TRPM4: variants seen among roughly 807,000 people sequenced by gnomAD.
The protein encoded by TRPM4 is transient receptor potential cation channel subfamily M member 4, also known as calcium-activated non-selective cation channel 1.
Under a neutral mutation model 135.6 loss-of-function variants are expected in TRPM4, and 124 were observed. The ratio of observed to expected loss-of-function variants is 0.91; its 90% CI spans 0.79 to 1.06. The LOEUF (loss-of-function observed/expected upper bound fraction) is 1.06, where lower values mean the gene tolerates loss of function less well. Among genes scored for constraint, TRPM4 ranks in the 50% least tolerant of loss-of-function variants. The pLI, the probability that TRPM4 is intolerant of heterozygous loss-of-function variation, is 0.00. For synonymous variants in TRPM4, 745 were observed against 705.6 expected, an observed-to-expected ratio of 1.06 and a Z score of -0.88; for missense variants, 1,658 against 1,671.4, an observed-to-expected ratio of 0.99 and a Z score of 0.14.
chr19:49,164,721 TGC>T (rs1166314393), intron 2 of TRPM4, among the ~76,000 whole-genome samples: 6 of 150,150 alleles, frequency 4.0e-5, no homozygotes, highest in African/African-American at 1.5e-4. Context: ...CTTGCTTGCT[TGC>T]TTTTCTTTCC....
At chr19:49,164,682 T>TCTTGCTTGCTTGCTTG (rs113888558) in intron 2 of TRPM4, among the ~76,000 whole-genome samples, 12 of 144,658 alleles carry the variant, frequency 8.3e-5, no homozygotes, top group South Asian at 4.5e-4. Context: ...GCGCCCGGCC[T>TCTTGCTTGCTTGCTTG]CTTGCTTGCT....
At chr19:49,168,775 C>A in intron 6 of TRPM4, 39 bp downstream of exon 6, 2 of 1,555,636 alleles carry the variant, frequency 1.3e-6, no homozygotes, top group Non-Finnish European at 1.7e-6. Flanking sequence ...CCACGACCCA[C>A]AACCTGCAAC....
chr19:49,189,766 G>A (rs1968342542), intron 14 of TRPM4, among the ~76,000 whole-genome samples: 1 of 152,158 alleles, frequency 6.6e-6, no homozygotes, highest in Non-Finnish European at 1.5e-5. Flanking sequence ...ATCCTCATCT[G>A]TTGGAATGGT....
chr19:49,181,529 T>C lies in TRPM4; in HGVS notation c.1263+68T>C, dbSNP rs918864723. On this transcript the variant is annotated intron_variant, in intron 10 of 24. Coordinates refer to ENST00000252826, the MANE Select transcript of TRPM4 (RefSeq NM_017636.4). ...ACTGTGCTGTCCTCCCTCTCTGCCTTCTTTTTTTTTTTTTTTTTTTTTGAC... is the reference window on the plus strand; with the variant it reads ...ACTGTGCTGTCCTCCCTCTCTGCCTCCTTTTTTTTTTTTTTTTTTTTTGAC... 15 of 856,548 alleles carry C rather than the reference T, an allele frequency of 1.8e-5. No homozygotes were observed. In the Admixed American group the frequency reaches 3.0e-4, roughly 17 times the overall value. The allele number at this position is 856,548 out of a possible 1,614,324, so 53.1% of individuals were successfully genotyped here.
chr19:49,173,903 C>G (rs1967571567), intron 9 of TRPM4, among the ~76,000 whole-genome samples: 5 of 152,010 alleles, frequency 3.3e-5, no homozygotes, highest in Admixed American at 3.3e-4. Flanking sequence ...CTCCTGGCCT[C>G]AACTGATCCT....
At chr19:49,183,521 G>A (rs1215405949) in intron 12 of TRPM4, among the ~76,000 whole-genome samples, 1 of 150,298 alleles carries the variant, frequency 6.7e-6, no homozygotes, top group Non-Finnish European at 1.5e-5. Context: ...CTCAGCCTCC[G>A]GAGTAGCTGG....
intron 16 of TRPM4, among the ~76,000 whole-genome samples, chr19:49,194,316 G>A (rs893828926): frequency 2.0e-5 from 3 of 151,966 alleles, no homozygotes; most frequent in Non-Finnish European, 2.9e-5. Flanking sequence ...GAGCAGTGGC[G>A]CGATCATGGC....
intron 10 of TRPM4, 125 bp from the exon 11 acceptor site, chr19:49,182,453 C>T (rs113631223): frequency 2.2e-5 from 2 of 90,832 alleles, no homozygotes; most frequent in Non-Finnish European, 2.8e-5. Flanking sequence ...TCCATCCACC[C>T]ATCCATCCAT....
intron 19 of TRPM4, among the ~76,000 whole-genome samples, 181 bp downstream of exon 19, chr19:49,200,966 ACCCC>A (rs1259688900): frequency 2.3e-5 from 3 of 133,254 alleles, no homozygotes; most frequent in Non-Finnish European, 4.8e-5. Context: ...TGCCTACCCC[ACCCC>A]CTCTGTCTTT....
At chr19:49,157,992 G>A in intron 1 of TRPM4, 102 bp downstream of exon 1, 1 of 1,399,142 alleles carries the variant, frequency 7.1e-7, no homozygotes, top group South Asian at 1.2e-5. Flanking sequence ...GGGTCAGACG[G>A]AGGAGGGGGA....
intron 9 of TRPM4, among the ~76,000 whole-genome samples, chr19:49,174,002 T>C (rs920740367): frequency 6.6e-6 from 1 of 151,586 alleles, no homozygotes; most frequent in African/African-American, 2.4e-5. Context: ...AATCCTAGGC[T>C]CCAGAGACTA....
At chr19:49,169,750 G>A (rs1967382627) in intron 6 of TRPM4, among the ~76,000 whole-genome samples, 1 of 151,714 alleles carries the variant, frequency 6.6e-6, no homozygotes, top group Non-Finnish European at 1.5e-5. Flanking sequence ...GTAGAGACAG[G>A]GTTTTGCCAT....
At position 49,181,440 on chromosome 19, in the gene TRPM4, T is replaced by C. The variant is rs200633475; in HGVS notation, c.1242T>C (p.Phe414=). ...NRVDIAQSEL[F]RGDIQWRSFH... is the part of the protein sequence containing the mutation. ...TGGACATTGCCCAGAGTGAACTCTT[T>C]CGGGGGGACATCCAATGGCGGGTGA... Residue 414 remains phenylalanine, a synonymous_variant, in exon 10 of 25, where the codon TTT becomes TTC. Transcript: ENST00000252826. 1.5e-4 allele frequency: 240 copies of C among 1,613,218 alleles called. 1 individual carries two copies. The highest frequency in any genetic ancestry group is 1.9e-4 in the Non-Finnish European group (224 of 1,179,860).
At chr19:49,172,683 T>G (rs1967512072) in intron 9 of TRPM4, among the ~76,000 whole-genome samples, 2 of 146,758 alleles carry the variant, frequency 1.4e-5, no homozygotes, top group South Asian at 4.3e-4. Flanking sequence ...TCCTGAGAAT[T>G]CCATCCACTC....
Position 49,171,544 on chromosome 19 carries a change from G to A in TRPM4, c.859-34G>A, listed in dbSNP as rs1166665119. ...GTAGGGTGAATATCCTGCCTTTTCT[G>A]ACGTGATGAATAAAGAATGCCTTTA... is the stretch of plus-strand genomic sequence containing the variant. On this transcript the variant is annotated intron_variant, in intron 7 of 24. Coordinates refer to ENST00000252826, the MANE Select transcript of TRPM4 (RefSeq NM_017636.4). The surrounding 1 kb of genome is among the most constrained non-coding windows in gnomAD (Gnocchi z 4.7). 1 of 1,613,822 alleles carries A rather than the reference G, an allele frequency of 6.2e-7. No homozygotes were observed. Among genetic ancestry groups the A allele is most frequent in the Non-Finnish European group, 8.5e-7 (1 of 1,179,832 alleles).
intron 16 of TRPM4, among the ~76,000 whole-genome samples, chr19:49,196,105 C>G (rs2090769): frequency 0.038 from 5,778 of 152,036 alleles, 353 homozygotes; most frequent in African/African-American, 0.13. Flanking sequence ...GTGATCTGCC[C>G]GCCTTAACTC....
intron 18 of TRPM4, 78 bp from the exon 19 acceptor site, chr19:49,200,533 T>TG: frequency 6.3e-7 from 1 of 1,588,550 alleles, no homozygotes; most frequent in South Asian, 1.1e-5. Flanking sequence ...TGGGGAGCAA[T>TG]GGGGCGTGTT....
At chr19:49,207,366 G>A (rs113054639) in intron 20 of TRPM4, among the ~76,000 whole-genome samples, 8,458 of 151,628 alleles carry the variant, frequency 0.056, 701 homozygotes, top group African/African-American at 0.17. Flanking sequence ...ATGGTGGCTT[G>A]TGCCTGCAAT....
chr19:49,210,167 G>A lies in TRPM4; in HGVS notation c.3132-42G>A, dbSNP rs1173443147. Reference sequence around the variant, plus strand: ...CTAACCTTCGTCCTTGCCCCTGGCTGGGCCCTGACCTCAAGTGACCTTTGA... The same window carrying A: ...CTAACCTTCGTCCTTGCCCCTGGCTAGGCCCTGACCTCAAGTGACCTTTGA... On this transcript the variant is annotated intron_variant, in intron 20 of 24. Coordinates refer to ENST00000252826, the MANE Select transcript of TRPM4 (RefSeq NM_017636.4). This position sits in a 1 kb window ranked among gnomAD's most constrained non-coding sequence, Gnocchi z 4.1. 6.2e-7 allele frequency: 1 copy of A among 1,606,718 alleles called. No individual in the cohort carries two copies. The highest frequency in any genetic ancestry group is 8.5e-7 in the Non-Finnish European group (1 of 1,173,212).
Sources: allele counts gnomAD v4.1 joint callset (sites outside exome capture counted in the v4.1 genomes callset), GRCh38; gene constraint gnomAD v4.1.1; non-coding constraint Gnocchi (gnomAD v3.1); transcripts MANE v1.5; gene names NCBI Gene and HGNC (gene_info 2026-07-23, HGNC 2026-07-21).